The following TTC22 variants were observed in gnomAD, a reference collection of about 807,000 sequenced individuals.
TTC22 encodes the protein tetratricopeptide repeat domain 22, also known as tetratricopeptide repeat protein 22.
TTC22 carries 42 observed loss-of-function variants against 48.2 expected under a neutral mutation model. The observed-to-expected ratio is 0.87, with a 90% CI of 0.68 to 1.13. TTC22 has a LOEUF of 1.13. TTC22 is among the 50% of genes most tolerant of loss of function. TTC22 has a pLI of 0.00. For synonymous variants in TTC22, 345 were observed against 365.5 expected, an observed-to-expected ratio of 0.94 and a Z score of 0.64; for missense variants, 784 against 807.0, an observed-to-expected ratio of 0.97 and a Z score of 0.34.
intron 6 of TTC22, among the ~76,000 whole-genome samples, 191 bp downstream of exon 6, chr1:54,782,134 G>A (rs1457869807): frequency 6.6e-6 from 1 of 152,238 alleles, no homozygotes; most frequent in Non-Finnish European, 1.5e-5. Flanking sequence ...TGAGTGCTTA[G>A]GAAGAGCCAA....
Position 54,781,302 on chromosome 1 carries a change from T to A in TTC22, c.1651A>T (p.Met551Leu), listed in dbSNP as rs1237575574. 1 of 1,472,966 alleles carries A rather than the reference T, an allele frequency of 6.8e-7. No individual in the cohort carries two copies. Among genetic ancestry groups the A allele is most frequent in the South Asian group, 1.3e-5 (1 of 77,736 alleles). The allele number at this position is 1,472,966 out of a possible 1,614,324, so 91.2% of individuals were successfully genotyped here. The change falls in exon 7 of 7, where the codon ATG (methionine) becomes TTG (leucine). Residue 551 changes from methionine (M) to leucine (L), a missense_variant. Physicochemically the swap from Met to Leu is conservative, Grantham distance 15. Transcript: ENST00000371276. ...PALVRLLFET[M>L]EREGEGASAP... The stretch of plus-strand genomic sequence containing the variant: ...CTGGCGCCCTCGCCCTCGCGCTCCA[T>A]GGTCTCGAAGAGCAGCCGCACCAGC...
At chr1:54,789,637 T>A (rs780107160) in intron 1 of TTC22, among the ~76,000 whole-genome samples, 1 of 152,144 alleles carries the variant, frequency 6.6e-6, no homozygotes, top group Non-Finnish European at 1.5e-5. Context: ...CTGAGTATCT[T>A]CTCTGTGTGG....
In TTC22 at chr1:54,781,110, A is replaced by G. The variant is rs1223691222; in HGVS notation, c.*133T>C. ...GGGTGTCGCAACATCCCCATTCACAATTCCCGACCAAGAATCGAACTGGCT... is the reference window on the plus strand; with the variant it reads ...GGGTGTCGCAACATCCCCATTCACAGTTCCCGACCAAGAATCGAACTGGCT... On this transcript the variant is annotated 3_prime_UTR_variant, in exon 7 of 7. Transcript: ENST00000371276. 1.3e-5 allele frequency: 8 copies of G among 620,496 alleles called. No individual in the cohort carries two copies. The highest frequency in any genetic ancestry group is 1.9e-5 in the Non-Finnish European group (8 of 412,508). The allele number at this position is 620,496 out of a possible 1,614,324, so 38.4% of individuals were successfully genotyped here. A position where few individuals can be genotyped will look rare whatever the true frequency, so the allele number is the denominator to read the frequency against.
At position 54,786,956 on chromosome 1, in the gene TTC22, C is replaced by T; in HGVS notation, c.858+1G>A. ...GGGTGGGTGTGGCTGGGGGCAAGTA[C>T]CTTGCCGAAGCAGTCTAGAGGGTCG... On this transcript the variant is annotated splice_donor_variant, in intron 4 of 6. Coordinates refer to ENST00000371276, the MANE Select transcript of TTC22 (RefSeq NM_001114108.2). LOFTEE classifies it high-confidence loss of function. The T allele has an allele frequency of 6.8e-7, 1 of 1,480,272 alleles. No homozygotes were observed. The highest frequency in any genetic ancestry group is 9.1e-7 in the Non-Finnish European group (1 of 1,101,222). 91.7% of individuals were successfully genotyped at this position (1,480,272 alleles called of 1,614,324 possible).
Position 54,793,083 on chromosome 1 carries a change from C to T in TTC22, c.568-4986G>A, listed in dbSNP as rs1000136912. On this transcript the variant is annotated intron_variant, in intron 1 of 6. Transcript: ENST00000371276. ...GGGTGGGTGGCCTCCGGTCAGGACA[C>T]CCCCACCTTTCTCTCATTCGATCCT... The T allele has an allele frequency of 9.9e-5, 15 of 152,172 alleles. 1 individual carries two copies. Among genetic ancestry groups the T allele is most frequent in the African/African-American group, 3.6e-4 (15 of 41,432 alleles). The allele number at this position is 152,172 out of a possible 1,614,324, so 9.4% of individuals were successfully genotyped here.
Position 54,781,667 on chromosome 1 carries a change from G to A in TTC22, c.1286C>T (p.Ala429Val), listed in dbSNP as rs1646264101. The A allele has an allele frequency of 6.5e-7, 1 of 1,530,848 alleles. No homozygotes were observed. The highest frequency in any genetic ancestry group is 8.7e-7 in the Non-Finnish European group (1 of 1,144,390). The allele number at this position is 1,530,848 out of a possible 1,614,324, so 94.8% of individuals were successfully genotyped here. The change falls in exon 7 of 7, where the codon GCC (alanine) becomes GTC (valine). Residue 429 changes from alanine (A) to valine (V), a missense_variant. Transcript: ENST00000371276. ...LAKAGESELG[A>V]TLPELQLLRG... The stretch of plus-strand genomic sequence containing the variant: ...CAGCAGCTGCAGCTCGGGCAGCGTG[G>A]CACCCAGCTCCGACTCGCCCGCCTT...
At chr1:54,799,377 C>T (rs915307795) in intron 1 of TTC22, among the ~76,000 whole-genome samples, 2 of 152,166 alleles carry the variant, frequency 1.3e-5, no homozygotes, top group African/African-American at 4.8e-5. Flanking sequence ...GGAAGGCTTC[C>T]CCCAGTGAAC....
intron 2 of TTC22, 95 bp from the exon 3 acceptor site, chr1:54,787,921 G>A (rs2269998): frequency 0.12 from 180,230 of 1,467,274 alleles, 15,959 homozygotes; most frequent in East Asian, 0.49. Context: ...GGGGGGTGGC[G>A]GTTTGGGGAG....
intron 1 of TTC22, among the ~76,000 whole-genome samples, chr1:54,793,366 A>G (rs906571704): frequency 2.6e-5 from 4 of 152,126 alleles, no homozygotes; most frequent in African/African-American, 7.2e-5. Flanking sequence ...CCTTGCTATT[A>G]CTTTCCTCAT....
intron 1 of TTC22, among the ~76,000 whole-genome samples, chr1:54,791,056 C>T (rs1247045084): frequency 1.3e-5 from 2 of 152,118 alleles, no homozygotes; most frequent in East Asian, 1.9e-4. Flanking sequence ...GATGGGGTTT[C>T]GCTATGTTGG....
rs3815225 is a variant in TTC22 at position 54,781,845 on chromosome 1, C to T, written c.1174-66G>A. 3,139 of 1,345,048 alleles carry T rather than the reference C, an allele frequency of 2.3e-3. 9 individuals carry two copies. The highest frequency in any genetic ancestry group is 3.1e-3 in the Admixed American group (85 of 27,442). 83.3% of individuals were successfully genotyped at this position (1,345,048 alleles called of 1,614,324 possible). A position where few individuals can be genotyped will look rare whatever the true frequency, so the allele number is the denominator to read the frequency against. ...CGGCTCCACGCTCATTCCCGCCCCA[C>T]GCTTGCTTTAAAAAAAAATTCCACT... On this transcript the variant is annotated intron_variant, in intron 6 of 6. Coordinates refer to ENST00000371276, the MANE Select transcript of TTC22 (RefSeq NM_001114108.2).
rs551250390 is a variant in TTC22 at position 54,791,350 on chromosome 1, G to A, written c.568-3253C>T. ...GTGGGAAAGCGAAGAGCTGAGGCTC[G>A]TGTGCCTGGCAGGCCTGGCCATATG... On this transcript the variant is annotated intron_variant, in intron 1 of 6. Transcript: ENST00000371276. Among the ~76,000 whole-genome samples, 12 of 152,270 alleles carry A rather than the reference G, an allele frequency of 7.9e-5. No individual in the cohort carries two copies. In the South Asian group the frequency reaches 1.7e-3, roughly 21 times the overall value.
chr1:54,794,831 A>G (rs1385949729), intron 1 of TTC22: 2 of 152,368 alleles, frequency 1.3e-5, no homozygotes, highest in Non-Finnish European at 2.9e-5. Flanking sequence ...GCCTCCCTCC[A>G]ATGCCCCTGT....
Position 54,785,892 on chromosome 1 carries a change from A to G in TTC22, c.1020+91T>C, listed in dbSNP as rs1646296247. On this transcript the variant is annotated intron_variant, in intron 5 of 6. Coordinates refer to ENST00000371276, the MANE Select transcript of TTC22 (RefSeq NM_001114108.2). ...TCCCTTCCACCATGAGGACTCCCTG[A>G]CCCTTGGGCCCTGGCAACAGGGTCT... 24 of 1,281,552 alleles carry G rather than the reference A, an allele frequency of 1.9e-5. No homozygotes were observed. In the East Asian group the frequency reaches 5.7e-4, roughly 31 times the overall value. 79.4% of individuals were successfully genotyped at this position (1,281,552 alleles called of 1,614,324 possible).
At chr1:54,795,543 C>T (rs1328216455) in intron 1 of TTC22, among the ~76,000 whole-genome samples, 1 of 152,146 alleles carries the variant, frequency 6.6e-6, no homozygotes, top group Non-Finnish European at 1.5e-5. Flanking sequence ...CCTATCTGGT[C>T]CAGCGTCCAA....
chr1:54,799,705 A>C (rs1400152537), intron 1 of TTC22, among the ~76,000 whole-genome samples: 3 of 152,180 alleles, frequency 2.0e-5, no homozygotes, highest in African/African-American at 7.2e-5. Flanking sequence ...TCATGCAATC[A>C]GTGGTCATGT....
At position 54,796,215 on chromosome 1, in the gene TTC22, T is replaced by A. The variant is rs181474861; in HGVS notation, c.567+4382A>T. Among the ~76,000 whole-genome samples the A allele has an allele frequency of 1.8e-3, 278 of 152,386 alleles. 4 individuals are homozygous for A. The highest frequency in any genetic ancestry group is 6.5e-3 in the African/African-American group (271 of 41,596). On this transcript the variant is annotated intron_variant, in intron 1 of 6. Coordinates refer to ENST00000371276, the MANE Select transcript of TTC22 (RefSeq NM_001114108.2). ...GCGCGTGCGCACGTGTGGACACGCA[T>A]GCGTGCATACCAGGGATCCTGGGCT...
chr1:54,798,936 C>T (rs970959307), intron 1 of TTC22, among the ~76,000 whole-genome samples: 41 of 152,220 alleles, frequency 2.7e-4, no homozygotes, highest in African/African-American at 8.9e-4. Flanking sequence ...GAACTAGGTG[C>T]TCAGAACGAA....
At chr1:54,783,668 G>T (rs1037957253) in intron 5 of TTC22, among the ~76,000 whole-genome samples, 1 of 152,140 alleles carries the variant, frequency 6.6e-6, no homozygotes, top group Admixed American at 6.6e-5. Context: ...GTGCTAAGAA[G>T]AAAACTAAAC....
Sources: gnomAD v4.1 joint callset for allele counts (sites outside exome capture counted in the v4.1 genomes callset) on GRCh38, gnomAD v4.1.1 for gene constraint, MANE v1.5 for transcripts, NCBI Gene and HGNC (gene_info 2026-07-23, HGNC 2026-07-21) for gene names.